The following DERA variants were observed in gnomAD, a reference collection of about 807,000 sequenced individuals.
DERA encodes the protein deoxyribose-phosphate aldolase.
In DERA, 15 loss-of-function variants were observed where a neutral mutation model predicts 41.1. That is an observed-to-expected ratio of 0.37 (90% CI 0.24 to 0.56). The LOEUF (loss-of-function observed/expected upper bound fraction) is 0.56, where lower values mean the gene tolerates loss of function less well. Ranked by LOEUF, DERA falls within the 20% of genes least tolerant of loss-of-function variation. The probability of loss-of-function intolerance (pLI) is 0.81; values close to 1 mark genes in which losing one functional copy is unlikely to be tolerated. For synonymous variants in DERA, 139 were observed against 137.4 expected (o/e 1.01, Z -0.08); for missense variants, 396 against 403.4 (o/e 0.98, Z 0.16).
chr12:15,951,594 T>C (rs1728268708), intron 1 of DERA: 1 of 152,218 alleles, frequency 6.6e-6, no homozygotes, highest in African/African-American at 2.4e-5. Context: ...TCAAGTATTA[T>C]TATGTGTTAT....
At chr12:15,955,460 G>T (rs889821101) in intron 1 of DERA, among the ~76,000 whole-genome samples, 1 of 152,100 alleles carries the variant, frequency 6.6e-6, no homozygotes, top group African/African-American at 2.4e-5. Context: ...TCATCGGCCT[G>T]ACCCCAGACT....
rs1391375123 is a variant in DERA, at chr12:16,000,828, A to G, written c.637+18392A>G. 1.3e-5 allele frequency among the ~76,000 whole-genome samples: 2 copies of G among 151,852 alleles called. No homozygotes were observed. Among genetic ancestry groups the G allele is most frequent in the Non-Finnish European group, 2.9e-5 (2 of 67,976 alleles). On this transcript the variant is annotated intron_variant, in intron 6 of 8. Coordinates refer to ENST00000428559, the MANE Select transcript of DERA (RefSeq NM_015954.4). The surrounding 1 kb of genome is among the most constrained non-coding windows in gnomAD (Gnocchi z 4.8). ...TACCTCAGAGTCTGTAATGATACCT[A>G]TAGTTGCATCCATCAGATGTTGAGT...
intron 6 of DERA, among the ~76,000 whole-genome samples, chr12:16,028,504 A>G (rs948221966): frequency 4.6e-5 from 7 of 152,206 alleles, no homozygotes; most frequent in African/African-American, 1.7e-4. Context: ...GAGGAGGTGG[A>G]TTATAACTTC....
At chr12:15,937,040 A>G (rs957335191) in intron 1 of DERA, among the ~76,000 whole-genome samples, 9 of 151,970 alleles carry the variant, frequency 5.9e-5, no homozygotes, top group Non-Finnish European at 1.2e-4. Flanking sequence ...TGGCATGAAC[A>G]TGGTTCACTG....
chr12:15,929,779 T>A (rs1259203399), intron 1 of DERA, among the ~76,000 whole-genome samples: 1 of 152,232 alleles, frequency 6.6e-6, no homozygotes, highest in African/African-American at 2.4e-5. Context: ...TTTTAAATTT[T>A]TCTTTGAAAA....
intron 1 of DERA, among the ~76,000 whole-genome samples, chr12:15,930,461 A>G (rs1948318990): frequency 6.6e-6 from 1 of 152,208 alleles, no homozygotes; most frequent in South Asian, 2.1e-4. Flanking sequence ...CATCTTTAAA[A>G]TTAATCAATA....
chr12:15,953,535 A>T (rs990552515), intron 1 of DERA, among the ~76,000 whole-genome samples: 1 of 152,204 alleles, frequency 6.6e-6, no homozygotes, highest in Non-Finnish European at 1.5e-5. Flanking sequence ...CACCAAAATG[A>T]CATATTAAGG....
At chr12:15,964,492 T>C (rs1367019479) in intron 5 of DERA, among the ~76,000 whole-genome samples, 1 of 152,234 alleles carries the variant, frequency 6.6e-6, no homozygotes, top group Non-Finnish European at 1.5e-5. Flanking sequence ...ATGTGTGTGT[T>C]TTAGCCAATT....
At position 15,957,077 on chromosome 12, in the gene DERA, C is replaced by T; in HGVS notation, c.129+44C>T. On this transcript the variant is annotated intron_variant, in intron 2 of 8. Coordinates refer to ENST00000428559, the MANE Select transcript of DERA (RefSeq NM_015954.4). This position sits in a 1 kb window ranked among gnomAD's most constrained non-coding sequence, Gnocchi z 4.8. ...CATTCTGTGCCTGTATTTTACAATG[C>T]ATGGTCTCTTCCCTCAAGGCCACAA... is the stretch of plus-strand genomic sequence containing the variant. The T allele has an allele frequency of 6.9e-7, 1 of 1,445,384 alleles. No individual in the cohort carries two copies. The allele number at this position is 1,445,384 out of a possible 1,614,324, so 89.5% of individuals were successfully genotyped here.
At position 15,982,583 on chromosome 12, in the gene DERA, T is replaced by C. The variant is rs1948740261; in HGVS notation, c.637+147T>C. On this transcript the variant is annotated intron_variant, in intron 6 of 8. Coordinates refer to ENST00000428559, the MANE Select transcript of DERA (RefSeq NM_015954.4). The surrounding 1 kb of genome is among the most constrained non-coding windows in gnomAD (Gnocchi z 4.0). ...GAATCGGATATTTTGTAAAAACATG[T>C]TCAATGTGAAGTGGTCAAAAACTCC... The C allele has an allele frequency of 2.3e-6, 2 of 885,186 alleles. No homozygotes were observed. Among genetic ancestry groups the C allele is most frequent in the Non-Finnish European group, 3.4e-6 (2 of 589,216 alleles). 54.8% of individuals were successfully genotyped at this position (885,186 alleles called of 1,614,324 possible). A position where few individuals can be genotyped will look rare whatever the true frequency, so the allele number is the denominator to read the frequency against.
rs1028014020 is a variant in DERA at position 15,959,020 on chromosome 12, A to G, written c.277+685A>G. Reference sequence around the variant, plus strand: ...GTTTTGGGAGCCAGGTCTCCTTCCCATGGAGTATGCTTCATGGCCCCCGAG... The same window carrying G: ...GTTTTGGGAGCCAGGTCTCCTTCCCGTGGAGTATGCTTCATGGCCCCCGAG... On this transcript the variant is annotated intron_variant, in intron 3 of 8. Transcript: ENST00000428559. This position sits in a 1 kb window ranked among gnomAD's most constrained non-coding sequence, Gnocchi z 4.5. Among the ~76,000 whole-genome samples, 1 of 152,140 alleles carries G rather than the reference A, an allele frequency of 6.6e-6. No homozygotes were observed. Among genetic ancestry groups the G allele is most frequent in the South Asian group, 2.1e-4 (1 of 4,818 alleles).
chr12:15,933,950 CT>C (rs1948347317), intron 1 of DERA, among the ~76,000 whole-genome samples: 1 of 152,154 alleles, frequency 6.6e-6, no homozygotes, highest in African/African-American at 2.4e-5. Flanking sequence ...TAAGCTGGTT[CT>C]TTCCTTTTTG....
rs2136154538 is a variant in DERA at position 15,970,491 on chromosome 12, T to C, written c.508+7544T>C. Among the ~76,000 whole-genome samples the C allele has an allele frequency of 6.6e-6, 1 of 152,326 alleles. No homozygotes were observed. The highest frequency in any genetic ancestry group is 2.4e-5 in the African/African-American group (1 of 41,578). On this transcript the variant is annotated intron_variant, in intron 5 of 8. Transcript: ENST00000428559. This position sits in a 1 kb window ranked among gnomAD's most constrained non-coding sequence, Gnocchi z 4.3. ...GCCAGCCGCTTCAAAATTGAGAAGATACCGTCCTTTCAGGTGGATCCTAGA... is the reference window on the plus strand; with the variant it reads ...GCCAGCCGCTTCAAAATTGAGAAGACACCGTCCTTTCAGGTGGATCCTAGA...
At position 15,958,193 on chromosome 12, in the gene DERA, T is replaced by C. The variant is rs866373434; in HGVS notation, c.135T>C (p.Ala45=). Residue 45 remains alanine (A), a synonymous_variant, in exon 3 of 9, where the codon GCT becomes GCC. Coordinates refer to ENST00000428559, the MANE Select transcript of DERA (RefSeq NM_015954.4). ...RRTVKKEWQA[A]WLLKAVTFID... is the part of the protein sequence containing the mutation. ...TTCACTTTTGTTTAAACCAGGCTGC[T>C]TGGCTCCTGAAAGCTGTTACCTTTA... 6.4e-7 allele frequency: 1 copy of C among 1,556,710 alleles called. No homozygotes were observed. The highest frequency in any genetic ancestry group is 2.3e-5 in the East Asian group (1 of 43,582).
chr12:15,963,551 A>C (rs1948603455), intron 5 of DERA, among the ~76,000 whole-genome samples: 1 of 152,220 alleles, frequency 6.6e-6, no homozygotes, highest in Non-Finnish European at 1.5e-5. Flanking sequence ...ATATTAAAGA[A>C]TCAAATAGAT....
intron 1 of DERA, chr12:15,951,572 T>C (rs1948497668): frequency 6.6e-6 from 1 of 152,228 alleles, no homozygotes; most frequent in African/African-American, 2.4e-5. Context: ...GCAGTTCCTC[T>C]TAATTCAAGA....
chr12:15,937,224 A>G (rs1326527584), intron 1 of DERA, among the ~76,000 whole-genome samples: 3 of 152,156 alleles, frequency 2.0e-5, no homozygotes, highest in African/African-American at 7.2e-5. Context: ...CCAAAGTGCT[A>G]AGATTATATA....
In DERA at chr12:15,990,116, T is replaced by C. The variant is rs1219664832; in HGVS notation, c.637+7680T>C. ...ACCTTCCTTCTCCATCCTACGTCAATAAGAAAGGAAACATAATGAAATCTT... is the reference window on the plus strand; with the variant it reads ...ACCTTCCTTCTCCATCCTACGTCAACAAGAAAGGAAACATAATGAAATCTT... On this transcript the variant is annotated intron_variant, in intron 6 of 8. Transcript: ENST00000428559. This position sits in a 1 kb window ranked among gnomAD's most constrained non-coding sequence, Gnocchi z 4.3. Among the ~76,000 whole-genome samples the C allele has an allele frequency of 6.6e-6, 1 of 152,168 alleles. No individual in the cohort carries two copies. The highest frequency in any genetic ancestry group is 1.5e-5 in the Non-Finnish European group (1 of 68,028).
At chr12:15,930,000 G>T (rs1948315834) in intron 1 of DERA, among the ~76,000 whole-genome samples, 1 of 152,110 alleles carries the variant, frequency 6.6e-6, no homozygotes, top group South Asian at 2.1e-4. Context: ...TATAATTTTT[G>T]AGTTTTGTAA....
Sources: gnomAD v4.1 joint callset for allele counts (sites outside exome capture counted in the v4.1 genomes callset) on GRCh38, gnomAD v4.1.1 for gene constraint, Gnocchi (gnomAD v3.1) non-coding constraint, MANE v1.5 for transcripts, NCBI Gene and HGNC (gene_info 2026-07-23, HGNC 2026-07-21) for gene names.